DTL: variants seen among roughly 807,000 people sequenced by gnomAD.
DTL encodes the protein denticleless E3 ubiquitin protein ligase adapter.
Under a neutral mutation model 87.0 loss-of-function variants are expected in DTL, and 46 were observed. That is an observed-to-expected ratio of 0.53 (90% confidence interval 0.42 to 0.68). DTL has a LOEUF of 0.68. Among genes scored for constraint, DTL ranks in the 30% least tolerant of loss-of-function variants. DTL has a pLI of 0.00. For missense variants in DTL, 737 were observed against 869.4 expected (o/e 0.85, Z 1.91); for synonymous variants, 308 against 311.2 (o/e 0.99, Z 0.11).
chr1:212,083,326 C>A (rs1655039791), intron 13 of DTL, among the ~76,000 whole-genome samples: 1 of 152,146 alleles, frequency 6.6e-6, no homozygotes, highest in South Asian at 2.1e-4. Flanking sequence ...TATTCAATTA[C>A]CTCCCACCAG....
At chr1:212,068,380 A>G in intron 9 of DTL, 53 bp downstream of exon 9, 1 of 1,255,116 alleles carries the variant, frequency 8.0e-7, no homozygotes, top group Non-Finnish European at 1.1e-6. Flanking sequence ...TTTAAAAAAA[A>G]AAAAAAAGGC....
At chr1:212,052,657 AAAG>A (rs1438127178) in intron 5 of DTL, among the ~76,000 whole-genome samples, 1 of 143,730 alleles carries the variant, frequency 7.0e-6, no homozygotes, top group African/African-American at 2.7e-5. Context: ...AAAAAAAAAA[AAAG>A]AAATATTTTT....
chr1:212,069,392 T>G (rs1279777482), intron 10 of DTL, among the ~76,000 whole-genome samples: 1 of 152,130 alleles, frequency 6.6e-6, no homozygotes, highest in African/African-American at 2.4e-5. Context: ...GCCTGGTTAT[T>G]CCTCATCTAT....
intron 5 of DTL, among the ~76,000 whole-genome samples, chr1:212,058,826 TAAATA>T (rs1668254141): frequency 6.6e-6 from 1 of 151,828 alleles, no homozygotes; most frequent in Admixed American, 6.6e-5. Flanking sequence ...AAGATGGTCT[TAAATA>T]AAATCAGAAA....
chr1:212,073,426 G>A (rs745722789), intron 11 of DTL, among the ~76,000 whole-genome samples: 1 of 152,164 alleles, frequency 6.6e-6, no homozygotes, highest in Admixed American at 6.5e-5. Flanking sequence ...AGTTCCGATA[G>A]TATCAAATCC....
intron 13 of DTL, among the ~76,000 whole-genome samples, chr1:212,088,872 A>C (rs1655202531): frequency 6.6e-6 from 1 of 152,232 alleles, no homozygotes; most frequent in Non-Finnish European, 1.5e-5. Flanking sequence ...GCATCACCTG[A>C]GGTCAGGAGT....
intron 10 of DTL, among the ~76,000 whole-genome samples, chr1:212,069,313 A>G (rs1421817982): frequency 6.6e-6 from 1 of 152,024 alleles, no homozygotes; most frequent in Non-Finnish European, 1.5e-5. Context: ...AGCCTCAGGC[A>G]TGCTTTAAGA....
At chr1:212,052,873 G>A (rs1206196212) in intron 5 of DTL, among the ~76,000 whole-genome samples, 3 of 151,642 alleles carry the variant, frequency 2.0e-5, no homozygotes, top group African/African-American at 7.3e-5. Flanking sequence ...TAAAGTACAC[G>A]GTTTAGTGGT....
intron 5 of DTL, chr1:212,051,442 C>CTTTTTTTTTT (rs958429363): frequency 1.5e-5 from 3 of 197,232 alleles, no homozygotes; most frequent in African/African-American, 6.6e-5. Context: ...ATATGAAATT[C>CTTTTTTTTTT]TTTTTTTTTT....
intron 5 of DTL, among the ~76,000 whole-genome samples, chr1:212,057,568 A>C (rs889155525): frequency 1.3e-5 from 2 of 152,150 alleles, no homozygotes; most frequent in Non-Finnish European, 2.9e-5. Flanking sequence ...AAAATATAAA[A>C]ACTACTGGTA....
intron 13 of DTL, among the ~76,000 whole-genome samples, chr1:212,083,206 C>T (rs570987795): frequency 3.3e-5 from 5 of 152,192 alleles, no homozygotes; most frequent in South Asian, 2.1e-4. Flanking sequence ...ACATGGATGG[C>T]GGCAGGCAAA....
chr1:212,048,665 G>C (rs988223356), intron 5 of DTL, among the ~76,000 whole-genome samples: 2 of 152,002 alleles, frequency 1.3e-5, no homozygotes, highest in Admixed American at 6.5e-5. Context: ...TTCTGTTTTT[G>C]TTTGTTTGTT....
Position 212,102,981 on chromosome 1 carries a change from A to G in DTL, c.*41A>G. 8.1e-7 allele frequency: 1 copy of G among 1,236,984 alleles called. No homozygotes were observed. The highest frequency in any genetic ancestry group is 1.2e-6 in the Non-Finnish European group (1 of 856,712). The allele number at this position is 1,236,984 out of a possible 1,614,324, so 76.6% of individuals were successfully genotyped here. A position where few individuals can be genotyped will look rare whatever the true frequency, so the allele number is the denominator to read the frequency against. On this transcript the variant is annotated 3_prime_UTR_variant, in exon 15 of 15. Transcript: ENST00000366991. ...AGTTACTGAGCTTTGGTCCACTAAA[A>G]CAAGCTGAGCTTTGGTCCACTAAAA...
chr1:212,052,643 CAA>C (rs58890704), intron 5 of DTL, among the ~76,000 whole-genome samples: 11 of 115,606 alleles, frequency 9.5e-5, no homozygotes, highest in Admixed American at 2.8e-4. Context: ...GACTCTGCCT[CAA>C]AAAAAAAAAA....
At chr1:212,047,004 T>C (rs1004552408) in intron 3 of DTL, 147 bp from the exon 4 acceptor site, 6 of 685,792 alleles carry the variant, frequency 8.7e-6, no homozygotes, top group Admixed American at 2.8e-5. Flanking sequence ...TGAAATGATA[T>C]CTCATTGTGG....
Position 212,042,974 on chromosome 1 carries a change from A to T in DTL, c.53-19A>T. 1 of 1,577,262 alleles carries T rather than the reference A, an allele frequency of 6.3e-7. No individual in the cohort carries two copies. Among genetic ancestry groups the T allele is most frequent in the Non-Finnish European group, 8.6e-7 (1 of 1,164,276 alleles). ...TGTGATGCTGTATTGGAATTCTATA[A>T]GGAATTATCTTGTTTTAGGATGGTC... On this transcript the variant is annotated intron_variant, in intron 1 of 14. Coordinates refer to ENST00000366991, the MANE Select transcript of DTL (RefSeq NM_016448.4).
intron 12 of DTL, among the ~76,000 whole-genome samples, chr1:212,079,822 G>A (rs1186636052): frequency 6.6e-6 from 1 of 152,150 alleles, no homozygotes; most frequent in African/African-American, 2.4e-5. Flanking sequence ...GGAAAAAGCT[G>A]CCAGTCTCTT....
chr1:212,037,350 C>G (rs1480417621), intron 1 of DTL, among the ~76,000 whole-genome samples: 1 of 152,186 alleles, frequency 6.6e-6, no homozygotes, highest in African/African-American at 2.4e-5. Flanking sequence ...CTTTCCTCTT[C>G]AGTGTTGGTG....
intron 13 of DTL, among the ~76,000 whole-genome samples, chr1:212,095,575 ATCTGCCC>A (rs927986895): frequency 1.3e-5 from 2 of 152,158 alleles, no homozygotes; most frequent in African/African-American, 4.8e-5. Context: ...ACCTCAAGTG[ATCTGCCC>A]TCCTCGGCCT....
Sources: gnomAD v4.1 joint callset for allele counts (sites outside exome capture counted in the v4.1 genomes callset) on GRCh38, gnomAD v4.1.1 for gene constraint, MANE v1.5 for transcripts, NCBI Gene and HGNC (gene_info 2026-07-23, HGNC 2026-07-21) for gene names.